FNDC3A: variants seen among roughly 807,000 people sequenced by gnomAD.
FNDC3A encodes fibronectin type-III domain-containing protein 3A.
Under a neutral mutation model 148.9 loss-of-function variants are expected in FNDC3A, and 32 were observed. That is an observed-to-expected ratio of 0.21 (90% confidence interval 0.16 to 0.29). The LOEUF (loss-of-function observed/expected upper bound fraction) is 0.29, where lower values mean the gene tolerates loss of function less well. Ranked by LOEUF, FNDC3A falls within the 10% of genes least tolerant of loss-of-function variation. The pLI is 1.00. For missense variants in FNDC3A, 1,191 were observed against 1,452.8 expected, an observed-to-expected ratio of 0.82 and a Z score of 2.93; for synonymous variants, 472 against 473.6, an observed-to-expected ratio of 1.00 and a Z score of 0.04.
Position 49,197,716 on chromosome 13 carries a change from A to T in FNDC3A, c.2341-9A>T, listed in dbSNP as rs1173991976. On this transcript the variant is annotated splice_polypyrimidine_tract_variant and intron_variant, in intron 20 of 25. Transcript: ENST00000492622. ...AGACTAAGACCTTTATCCTTTTCTT[A>T]ATTTAAAGGTTCCTTTGAGTAATGG... The T allele has an allele frequency of 6.3e-7, 1 of 1,596,058 alleles. No individual in the cohort carries two copies. Among genetic ancestry groups the T allele is most frequent in the Non-Finnish European group, 8.5e-7 (1 of 1,175,806 alleles).
At chr13:49,196,146 T>C (rs974841412) in intron 19 of FNDC3A, among the ~76,000 whole-genome samples, 1 of 148,966 alleles carries the variant, frequency 6.7e-6, no homozygotes, top group Non-Finnish European at 1.5e-5. Flanking sequence ...TTGGCAAAAC[T>C]GCCTGATACA....
intron 16 of FNDC3A, chr13:49,187,757 A>ATT: frequency 6.2e-6 from 5 of 807,474 alleles, no homozygotes; most frequent in East Asian, 5.5e-5. Flanking sequence ...TTTTTCCTGG[A>ATT]TTTTTTTTTT....
At chr13:48,985,051 G>T (rs1028663798) in intron 1 of FNDC3A, among the ~76,000 whole-genome samples, 1 of 152,118 alleles carries the variant, frequency 6.6e-6, no homozygotes, top group African/African-American at 2.4e-5. Context: ...TTAAAAACTC[G>T]TTGGAGTAGA....
chr13:49,157,445 A>T (rs1328457099), intron 8 of FNDC3A, among the ~76,000 whole-genome samples: 3 of 140,310 alleles, frequency 2.1e-5, no homozygotes, highest in Non-Finnish European at 4.7e-5. Context: ...AAAGTTTTCA[A>T]CTTCTTTGCC....
At chr13:49,103,238 T>A (rs1879969818) in intron 3 of FNDC3A, among the ~76,000 whole-genome samples, 1 of 152,256 alleles carries the variant, frequency 6.6e-6, no homozygotes, top group African/African-American at 2.4e-5. Context: ...TCTTCATCAC[T>A]ACCTTATGCT....
At chr13:49,143,715 T>C (rs1232749073) in intron 7 of FNDC3A, among the ~76,000 whole-genome samples, 1 of 152,188 alleles carries the variant, frequency 6.6e-6, no homozygotes, top group African/African-American at 2.4e-5. Context: ...ACTCATTTTG[T>C]TGATGAGGCC....
At chr13:49,010,051 A>T (rs954695197) in intron 2 of FNDC3A, among the ~76,000 whole-genome samples, 8 of 152,236 alleles carry the variant, frequency 5.3e-5, no homozygotes, top group Non-Finnish European at 1.2e-4. Flanking sequence ...TTCCCAAAGA[A>T]GGGGACGTAT....
At chr13:49,198,979 C>T (rs915894955) in intron 23 of FNDC3A, among the ~76,000 whole-genome samples, 3 of 152,050 alleles carry the variant, frequency 2.0e-5, no homozygotes, top group African/African-American at 7.2e-5. Flanking sequence ...GACACCTAAT[C>T]TTAGATACAA....
chr13:49,125,278 A>C (rs1019159066), intron 4 of FNDC3A, among the ~76,000 whole-genome samples: 1 of 152,178 alleles, frequency 6.6e-6, no homozygotes, highest in Admixed American at 6.5e-5. Context: ...AGTGTGAGAA[A>C]CTATAAGATG....
At chr13:49,044,425 A>G (rs1593510610) in intron 2 of FNDC3A, 1 of 155,358 alleles carries the variant, frequency 6.4e-6, no homozygotes, top group East Asian at 1.9e-4. Flanking sequence ...TAATCCTAAC[A>G]CTTTGGGAGG....
At chr13:49,163,304 G>T (rs535347906) in intron 8 of FNDC3A, among the ~76,000 whole-genome samples, 1 of 152,276 alleles carries the variant, frequency 6.6e-6, no homozygotes, top group South Asian at 2.1e-4. Context: ...TGAGCTTTCC[G>T]GCTGCTTTGT....
chr13:49,113,656 C>G (rs540471732), intron 3 of FNDC3A, among the ~76,000 whole-genome samples: 21 of 152,144 alleles, frequency 1.4e-4, no homozygotes, highest in African/African-American at 4.6e-4. Flanking sequence ...CTTTACATTC[C>G]TCATCAGACC....
intron 7 of FNDC3A, among the ~76,000 whole-genome samples, chr13:49,143,317 A>T (rs989835505): frequency 6.6e-6 from 1 of 152,172 alleles, no homozygotes; most frequent in East Asian, 1.9e-4. Context: ...TGAGCCTAGG[A>T]GTTCGCAACC....
In FNDC3A at chr13:49,150,205, C is replaced by T. The variant is rs540173158; in HGVS notation, c.977+4270C>T. ...CCTCCCACGTCAGCCTCCCAAGTAC[C>T]TGGGACTGTAGGTGTGCACCACTGC... is the stretch of plus-strand genomic sequence containing the variant. On this transcript the variant is annotated intron_variant, in intron 8 of 25. Coordinates refer to ENST00000492622, the MANE Select transcript of FNDC3A (RefSeq NM_001079673.2). Among the ~76,000 whole-genome samples, 19 of 152,296 alleles carry T rather than the reference C, an allele frequency of 1.2e-4. No individual in the cohort carries two copies. In the East Asian group the frequency reaches 3.5e-3, roughly 28 times the overall value.
intron 3 of FNDC3A, among the ~76,000 whole-genome samples, chr13:49,107,717 G>A (rs558714256): frequency 1.3e-5 from 2 of 152,318 alleles, no homozygotes; most frequent in East Asian, 1.9e-4. Context: ...GTTGGGGAGG[G>A]CTCTTAAAGT....
intron 2 of FNDC3A, among the ~76,000 whole-genome samples, chr13:49,022,851 C>A (rs967240920): frequency 6.6e-6 from 1 of 152,050 alleles, no homozygotes; most frequent in Admixed American, 6.5e-5. Flanking sequence ...CTTAGAAAAT[C>A]AAATATTTTT....
chr13:49,055,962 C>T (rs1465151482), intron 2 of FNDC3A, among the ~76,000 whole-genome samples: 1 of 151,708 alleles, frequency 6.6e-6, no homozygotes, highest in Non-Finnish European at 1.5e-5. Flanking sequence ...TGAGGCAGGA[C>T]GATCACTTGA....
chr13:49,020,579 G>T (rs1276271532), intron 2 of FNDC3A, among the ~76,000 whole-genome samples: 1 of 152,200 alleles, frequency 6.6e-6, no homozygotes, highest in Non-Finnish European at 1.5e-5. Context: ...TAAATAGAAT[G>T]TTGCTGGTAT....
chr13:49,112,950 T>C (rs1880669585), intron 3 of FNDC3A, among the ~76,000 whole-genome samples: 1 of 152,094 alleles, frequency 6.6e-6, no homozygotes, highest in Admixed American at 6.5e-5. Context: ...CAGCCAGATA[T>C]TATATAGTGT....
Sources: allele counts gnomAD v4.1 joint callset (sites outside exome capture counted in the v4.1 genomes callset), GRCh38; gene constraint gnomAD v4.1.1; transcripts MANE v1.5; gene names NCBI Gene and HGNC (gene_info 2026-07-23, HGNC 2026-07-21).